The following NAPG variants were observed in gnomAD, a reference collection of about 807,000 sequenced individuals.
NAPG encodes gamma-soluble NSF attachment protein.
NAPG carries 25 observed loss-of-function variants against 48.4 expected under a neutral mutation model. That is an observed-to-expected ratio of 0.52 (90% CI 0.38 to 0.72). The LOEUF (loss-of-function observed/expected upper bound fraction) is 0.72, where lower values mean the gene tolerates loss of function less well. NAPG is among the 30% of genes least tolerant of loss of function. The pLI is 0.00. For synonymous variants in NAPG, 139 were observed against 127.2 expected (o/e 1.09, Z -0.62); for missense variants, 359 against 372.5 (o/e 0.96, Z 0.30).
chr18:10,526,242 G>GGT, intron 1 of NAPG, 84 bp downstream of exon 1: 1 of 694,530 alleles, frequency 1.4e-6, no homozygotes, highest in Non-Finnish European at 2.5e-6. Flanking sequence ...GGGGGGGCGG[G>GGT]AGGGAGGGCT....
rs2032380904 is a variant in NAPG at position 10,551,033 on chromosome 18, GCC to G, written c.*815_*816del. 6.7e-6 allele frequency: 1 copy of G among 149,654 alleles called. No homozygotes were observed. Among genetic ancestry groups the G allele is most frequent in the Admixed American group, 6.6e-5 (1 of 15,038 alleles). The allele number at this position is 149,654 out of a possible 1,614,324, so 9.3% of individuals were successfully genotyped here. A position where few individuals can be genotyped will look rare whatever the true frequency, so the allele number is the denominator to read the frequency against. On this transcript the variant is annotated 3_prime_UTR_variant, in exon 12 of 12. Coordinates refer to ENST00000322897, the MANE Select transcript of NAPG (RefSeq NM_003826.3). ...TTTTTTTTAAGGGTCTCACTCTTTTGCCCAGGCTGGAGTGCAGTGGCACAATC... is the reference window on the plus strand; with the variant it reads ...TTTTTTTTAAGGGTCTCACTCTTTTGCAGGCTGGAGTGCAGTGGCACAATC...
In NAPG at chr18:10,552,685, T is replaced by A. The variant is rs901799723; in HGVS notation, c.*2465T>A. 1 of 152,252 alleles carries A rather than the reference T, an allele frequency of 6.6e-6. No homozygotes were observed. Among genetic ancestry groups the A allele is most frequent in the African/African-American group, 2.4e-5 (1 of 41,466 alleles). The allele number at this position is 152,252 out of a possible 1,614,324, so 9.4% of individuals were successfully genotyped here. ...TTTCCCAACTCTGATGAGTAGAATA[T>A]TAAATGTGTTGTTATGGAAATACAG... On this transcript the variant is annotated 3_prime_UTR_variant, in exon 12 of 12. Coordinates refer to ENST00000322897, the MANE Select transcript of NAPG (RefSeq NM_003826.3).
chr18:10,540,252 T>A, intron 7 of NAPG, 77 bp from the exon 8 acceptor site: 1 of 1,352,588 alleles, frequency 7.4e-7, no homozygotes, highest in Non-Finnish European at 1.0e-6. Flanking sequence ...CATTACTTCT[T>A]TACAAAATAA....
At chr18:10,531,876 T>G (rs1443600915) in intron 2 of NAPG, among the ~76,000 whole-genome samples, 1 of 152,226 alleles carries the variant, frequency 6.6e-6, no homozygotes, top group East Asian at 1.9e-4. Flanking sequence ...TTTATTTTCT[T>G]TAAGGGCTTA....
In NAPG at chr18:10,534,575, G is replaced by T. The variant is rs1386324672; in HGVS notation, c.258+79G>T. The T allele has an allele frequency of 7.1e-7, 1 of 1,402,126 alleles. No individual in the cohort carries two copies. Among genetic ancestry groups the T allele is most frequent in the South Asian group, 1.2e-5 (1 of 86,082 alleles). 86.9% of individuals were successfully genotyped at this position (1,402,126 alleles called of 1,614,324 possible). ...GTGTTAAACAAGAATTTTTGTTGAA[G>T]TTGAAAAGCTTCCTTACTGTAAGGC... On this transcript the variant is annotated intron_variant, in intron 5 of 11. Coordinates refer to ENST00000322897, the MANE Select transcript of NAPG (RefSeq NM_003826.3). This position sits in a 1 kb window ranked among gnomAD's most constrained non-coding sequence, Gnocchi z 5.0.
At position 10,543,061 on chromosome 18, in the gene NAPG, A is replaced by G. The variant is rs747937548; in HGVS notation, c.506+2662A>G. Among the ~76,000 whole-genome samples, 7 of 151,826 alleles carry G rather than the reference A, an allele frequency of 4.6e-5. No homozygotes were observed. Among genetic ancestry groups the G allele is most frequent in the African/African-American group, 9.7e-5 (4 of 41,426 alleles). ...TAGCCGGGTGTGATGACGCACACCT[A>G]TAATCCCAGCTACTCGGGAGGCTGG... On this transcript the variant is annotated intron_variant, in intron 8 of 11. Coordinates refer to ENST00000322897, the MANE Select transcript of NAPG (RefSeq NM_003826.3). This position sits in a 1 kb window ranked among gnomAD's most constrained non-coding sequence, Gnocchi z 4.4.
chr18:10,535,782 A>G (rs1320225209), intron 5 of NAPG, among the ~76,000 whole-genome samples: 1 of 152,154 alleles, frequency 6.6e-6, no homozygotes, highest in Non-Finnish European at 1.5e-5. Context: ...AATAATAGGA[A>G]AGTGTTTAAA....
intron 1 of NAPG, among the ~76,000 whole-genome samples, chr18:10,529,182 A>C (rs1356172508): frequency 6.6e-6 from 1 of 152,182 alleles, no homozygotes; most frequent in African/African-American, 2.4e-5. Context: ...GAGTGATTGT[A>C]TCTTGTTTTT....
At chr18:10,533,021 T>A in intron 3 of NAPG, 1 of 420,622 alleles carries the variant, frequency 2.4e-6, no homozygotes, top group Non-Finnish European at 4.2e-6. Context: ...TTCTATTGTT[T>A]GTGATTTTAC....
chr18:10,528,316 C>G (rs888602255), intron 1 of NAPG, among the ~76,000 whole-genome samples: 2 of 152,208 alleles, frequency 1.3e-5, no homozygotes, highest in Admixed American at 1.3e-4. Flanking sequence ...ACAGAGGATA[C>G]TGGAGTAACC....
intron 5 of NAPG, among the ~76,000 whole-genome samples, chr18:10,536,265 A>C (rs180891611): frequency 7.1e-4 from 108 of 152,342 alleles, no homozygotes; most frequent in African/African-American, 2.2e-3. Flanking sequence ...GCATTGTCTT[A>C]TATTTAAATT....
Position 10,534,611 on chromosome 18 carries a change from A to T in NAPG, c.258+115A>T. On this transcript the variant is annotated intron_variant, in intron 5 of 11. Transcript: ENST00000322897. The surrounding 1 kb of genome is among the most constrained non-coding windows in gnomAD (Gnocchi z 5.0). The stretch of plus-strand genomic sequence containing the variant: ...TCCTTACTGTAAGGCAAGAGGTGCT[A>T]AGTTAAGATTTTCTGTCCACGGTAA... 1.1e-6 allele frequency: 1 copy of T among 905,928 alleles called. No individual in the cohort carries two copies. Among genetic ancestry groups the T allele is most frequent in the Non-Finnish European group, 1.8e-6 (1 of 557,116 alleles). The allele number at this position is 905,928 out of a possible 1,614,324, so 56.1% of individuals were successfully genotyped here.
In NAPG at chr18:10,546,297, T is replaced by G; in HGVS notation, c.507-29T>G. On this transcript the variant is annotated intron_variant, in intron 8 of 11. Transcript: ENST00000322897. The surrounding 1 kb of genome is among the most constrained non-coding windows in gnomAD (Gnocchi z 4.0). ...TCTGCTATAGATCATTTAGACCTGC[T>G]TTTTTTACATTTCTGTGTTTTGTTT... The G allele has an allele frequency of 6.8e-7, 1 of 1,464,816 alleles. No individual in the cohort carries two copies. The highest frequency in any genetic ancestry group is 9.3e-7 in the Non-Finnish European group (1 of 1,072,430). The allele number at this position is 1,464,816 out of a possible 1,614,324, so 90.7% of individuals were successfully genotyped here.
chr18:10,537,656 T>C (rs1266985765), intron 5 of NAPG, among the ~76,000 whole-genome samples: 2 of 152,228 alleles, frequency 1.3e-5, no homozygotes, highest in Admixed American at 6.5e-5. Context: ...AGAGATTTTG[T>C]TAGGTTTACC....
chr18:10,546,389 T>C lies in NAPG; in HGVS notation c.570T>C (p.Tyr190=), dbSNP rs1338005601. ...ATATTTATAAGGAAATTGAGAATTA[T>C]CCAACTTGTTATAAGGTATTCTTTG... ...EKNIYKEIEN[Y]PTCYKKTIAQ... The change falls in exon 9 of 12, where the codon TAT becomes TAC. Residue 190 remains tyrosine, a synonymous_variant. Transcript: ENST00000322897. The surrounding 1 kb of genome is among the most constrained non-coding windows in gnomAD (Gnocchi z 4.0). The C allele has an allele frequency of 1.9e-6, 3 of 1,553,764 alleles. No individual in the cohort carries two copies. The highest frequency in any genetic ancestry group is 2.6e-6 in the Non-Finnish European group (3 of 1,141,180).
At chr18:10,526,825 C>T (rs1453117383) in intron 1 of NAPG, 1 of 152,300 alleles carries the variant, frequency 6.6e-6, no homozygotes, top group African/African-American at 2.4e-5. Context: ...TTAATTCATC[C>T]TTTTGGCAGC....
At chr18:10,530,556 G>A (rs1297452063) in intron 1 of NAPG, among the ~76,000 whole-genome samples, 1 of 152,090 alleles carries the variant, frequency 6.6e-6, no homozygotes, top group African/African-American at 2.4e-5. Flanking sequence ...GAACCTCTAG[G>A]AGGAAAACCA....
In NAPG at chr18:10,539,675, A is replaced by G. The variant is rs538335695; in HGVS notation, c.259-87A>G. 9.1e-7 allele frequency: 1 copy of G among 1,101,896 alleles called. No homozygotes were observed. Among genetic ancestry groups the G allele is most frequent in the African/African-American group, 1.6e-5 (1 of 63,292 alleles). 68.3% of individuals were successfully genotyped at this position (1,101,896 alleles called of 1,614,324 possible). ...GCACATGTGTCCCAGAACTTAAAAT[A>G]AAAAATAATTGCATTTCAGATTGTT... On this transcript the variant is annotated intron_variant, in intron 5 of 11. Transcript: ENST00000322897. This position sits in a 1 kb window ranked among gnomAD's most constrained non-coding sequence, Gnocchi z 4.7.
At chr18:10,540,710 C>T (rs914095744) in intron 8 of NAPG, 2 of 222,636 alleles carry the variant, frequency 9.0e-6, no homozygotes, top group African/African-American at 4.5e-5. Context: ...TAATATCTCT[C>T]TCAAGGAAAA....
Sources: allele counts gnomAD v4.1 joint callset (sites outside exome capture counted in the v4.1 genomes callset), GRCh38; gene constraint gnomAD v4.1.1; non-coding constraint Gnocchi (gnomAD v3.1); transcripts MANE v1.5; gene names NCBI Gene and HGNC (gene_info 2026-07-23, HGNC 2026-07-21).